Variants in CIAO2A observed in about 807,000 individuals in gnomAD.
The protein encoded by CIAO2A is MIP18 family protein FAM96A.
A neutral mutation model predicts 22.4 loss-of-function variants in CIAO2A; 17 were observed. The observed-to-expected ratio is 0.76, with a 90% CI of 0.52 to 1.14. The LOEUF is 1.14. Among genes scored for constraint, CIAO2A ranks in the 50% most tolerant of loss-of-function variants. The probability of loss-of-function intolerance (pLI) is 0.00; values close to 1 mark genes in which losing one functional copy is unlikely to be tolerated. For missense variants in CIAO2A, 192 were observed against 191.4 expected, an observed-to-expected ratio of 1.00 and a Z score of -0.02; for synonymous variants, 74 against 72.3, an observed-to-expected ratio of 1.02 and a Z score of -0.12.
At chr15:64,077,360 G>A (rs2080727126) in intron 3 of CIAO2A, among the ~76,000 whole-genome samples, 2 of 152,124 alleles carry the variant, frequency 1.3e-5, no homozygotes, top group Admixed American at 1.3e-4. Flanking sequence ...TCTTATTCTA[G>A]ACCTCAAAGC....
intron 2 of CIAO2A, among the ~76,000 whole-genome samples, chr15:64,085,381 C>T (rs2080786032): frequency 6.6e-6 from 1 of 152,148 alleles, no homozygotes; most frequent in South Asian, 2.1e-4. Context: ...GCCTGAAGTT[C>T]TAACTTTTCA....
chr15:64,083,708 C>T (rs1356014207), intron 2 of CIAO2A, among the ~76,000 whole-genome samples: 3 of 152,180 alleles, frequency 2.0e-5, no homozygotes, highest in Non-Finnish European at 4.4e-5. Context: ...TTTGGGAGGC[C>T]GAGGTGGGCG....
At chr15:64,092,653 TATC>T (rs766153734) in intron 1 of CIAO2A, among the ~76,000 whole-genome samples, 33 of 152,302 alleles carry the variant, frequency 2.2e-4, no homozygotes, top group Admixed American at 3.3e-4. Flanking sequence ...TACTCACAAT[TATC>T]ATCTGCCTGG....
chr15:64,073,140 C>T, intron 4 of CIAO2A, 112 bp from the exon 5 acceptor site: 2 of 673,584 alleles, frequency 3.0e-6, no homozygotes, highest in South Asian at 2.1e-5. Context: ...AGAACTTAAA[C>T]CTGTTTTTGG....
chr15:64,081,714 T>C (rs1434836871), intron 2 of CIAO2A, among the ~76,000 whole-genome samples: 3 of 151,934 alleles, frequency 2.0e-5, no homozygotes, highest in African/African-American at 7.3e-5. Flanking sequence ...TTTTTATATA[T>C]TTTTGGTACA....
chr15:64,072,710 T>A lies in CIAO2A; in HGVS notation c.*221A>T. ...CATCTTGCACATAATAACTAGAAAA[T>A]ATTATTCTGTCTGATCATTTAAGTG... On this transcript the variant is annotated 3_prime_UTR_variant, in exon 5 of 5. Transcript: ENST00000300030. 2.6e-6 allele frequency: 1 copy of A among 385,310 alleles called. No individual in the cohort carries two copies. Among genetic ancestry groups the A allele is most frequent in the Non-Finnish European group, 4.6e-6 (1 of 215,680 alleles). The allele number at this position is 385,310 out of a possible 1,614,324, so 23.9% of individuals were successfully genotyped here.
chr15:64,090,759 T>C (rs779133326), intron 1 of CIAO2A, among the ~76,000 whole-genome samples: 3 of 152,140 alleles, frequency 2.0e-5, no homozygotes, highest in South Asian at 2.1e-4. Context: ...CCTAGGGCCT[T>C]AGCTGGGAAG....
chr15:64,074,587 A>G (rs1372197698), intron 4 of CIAO2A: 1 of 152,208 alleles, frequency 6.6e-6, no homozygotes, highest in Non-Finnish European at 1.5e-5. Flanking sequence ...AGAGTATAAT[A>G]ATCTACATGT....
chr15:64,093,541 A>G (rs2080861742), intron 1 of CIAO2A, 104 bp downstream of exon 1: 1 of 1,309,388 alleles, frequency 7.6e-7, no homozygotes, highest in Admixed American at 2.4e-5. Flanking sequence ...AAACAAAAAA[A>G]AAGGTCTCCC....
intron 4 of CIAO2A, chr15:64,073,905 T>C (rs988815741): frequency 1.3e-5 from 2 of 152,260 alleles, no homozygotes; most frequent in East Asian, 1.9e-4. Flanking sequence ...GCCCGGGCAA[T>C]AGCTGGTATT....
At chr15:64,086,380 C>A (rs2080794995) in intron 2 of CIAO2A, among the ~76,000 whole-genome samples, 1 of 151,826 alleles carries the variant, frequency 6.6e-6, no homozygotes, top group Non-Finnish European at 1.5e-5. Context: ...CCATTGCGCT[C>A]CAGCCTGGGT....
Position 64,088,795 on chromosome 15 carries a change from C to A in CIAO2A, c.181G>T (p.Val61Leu). ...ACTTCCACACAACTTTCCGAGACCA[C>A]TTCCAGTTCTTCTAAAGTATTGGGC... is the stretch of plus-strand genomic sequence containing the variant. ...EKPNTLEELE[V>L]VSESCVEVQE... Residue 61 changes from valine to leucine, a missense_variant, in exon 2 of 5, where the codon GTG becomes TTG. Physicochemically the swap from Val to Leu is conservative, Grantham distance 32. Transcript: ENST00000300030. 2 of 1,614,092 alleles carry A rather than the reference C, an allele frequency of 1.2e-6. No homozygotes were observed. The highest frequency in any genetic ancestry group is 1.7e-6 in the Non-Finnish European group (2 of 1,179,980).
Position 64,093,733 on chromosome 15 carries a change from C to T in CIAO2A, c.36G>A (p.Leu12=), listed in dbSNP as rs2080865006. The change falls in exon 1 of 5, where the codon CTG becomes CTA. Residue 12 remains leucine, a synonymous_variant. Transcript: ENST00000300030. The part of the protein sequence containing the change: ...QRVSGLLSWT[L]SRVLWLSGLS... ...GGCCGGAGAGCCACAGGACTCTGCT[C>T]AGCGTCCAGGAGAGCAGCCCGGACA... is the stretch of plus-strand genomic sequence containing the variant. The T allele has an allele frequency of 6.2e-7, 1 of 1,614,046 alleles. No homozygotes were observed. The highest frequency in any genetic ancestry group is 1.7e-4 in the Middle Eastern group (1 of 6,058).
chr15:64,086,843 A>C (rs2080800777), intron 2 of CIAO2A, among the ~76,000 whole-genome samples: 1 of 151,152 alleles, frequency 6.6e-6, no homozygotes, highest in Non-Finnish European at 1.5e-5. Context: ...TGAACTTCTG[A>C]CCTCAAGTGA....
At chr15:64,085,670 C>T (rs530765984) in intron 2 of CIAO2A, among the ~76,000 whole-genome samples, 10 of 152,042 alleles carry the variant, frequency 6.6e-5, no homozygotes, top group East Asian at 1.9e-4. Context: ...GCCCACAATA[C>T]GGTACAGCCA....
intron 2 of CIAO2A, among the ~76,000 whole-genome samples, chr15:64,086,891 G>A (rs1282931931): frequency 6.6e-6 from 1 of 151,590 alleles, no homozygotes; most frequent in African/African-American, 2.4e-5. Flanking sequence ...GGGATTACAG[G>A]TGTGAGCCGC....
Position 64,093,830 on chromosome 15 carries a change from G to A in CIAO2A, c.-62C>T, listed in dbSNP as rs903241918. On this transcript the variant is annotated 5_prime_UTR_variant, in exon 1 of 5. Transcript: ENST00000300030. ...GCGCCACCGTCTCTCAGCAGCCTCG[G>A]GATTGATCAACTTCCTGGTCTTCAA... The A allele has an allele frequency of 1.0e-5, 16 of 1,581,172 alleles. No homozygotes were observed. Among genetic ancestry groups the A allele is most frequent in the Non-Finnish European group, 1.4e-5 (16 of 1,158,360 alleles).
chr15:64,080,591 A>G (rs972510500), intron 3 of CIAO2A, among the ~76,000 whole-genome samples: 1 of 152,170 alleles, frequency 6.6e-6, no homozygotes, highest in Admixed American at 6.5e-5. Context: ...CTGAGGCAGG[A>G]GAATCGCTTG....
intron 3 of CIAO2A, among the ~76,000 whole-genome samples, chr15:64,077,168 C>T (rs2922508): frequency 0.2 from 30,525 of 151,990 alleles, 3,403 homozygotes; most frequent in South Asian, 0.46. Context: ...AAAAATTAGC[C>T]GGGCGTGTAT....
Sources: gnomAD v4.1 joint callset for allele counts (sites outside exome capture counted in the v4.1 genomes callset) on GRCh38, gnomAD v4.1.1 for gene constraint, MANE v1.5 for transcripts, NCBI Gene and HGNC (gene_info 2026-07-23, HGNC 2026-07-21) for gene names.